The following IL17RC variants were observed in gnomAD, a reference collection of about 807,000 sequenced individuals.
IL17RC encodes the protein interleukin-17 receptor C.
In IL17RC, 53 loss-of-function variants were observed where a neutral mutation model predicts 86.7. The observed-to-expected ratio is 0.61, with a 90% CI of 0.49 to 0.77. The LOEUF (loss-of-function observed/expected upper bound fraction) is 0.77. Among genes scored for constraint, IL17RC ranks in the 30% least tolerant of loss-of-function variants. The probability of loss-of-function intolerance (pLI) is 0.00; values close to 1 mark genes in which losing one functional copy is unlikely to be tolerated. For missense variants in IL17RC, 957 were observed against 940.0 expected (o/e 1.02, Z -0.24); for synonymous variants, 439 against 413.1 (o/e 1.06, Z -0.76).
At chr3:9,919,799 T>C (rs960045149) in intron 5 of IL17RC, among the ~76,000 whole-genome samples, 1 of 152,152 alleles carries the variant, frequency 6.6e-6, no homozygotes, top group African/African-American at 2.4e-5. Context: ...GCATTATTAG[T>C]ATCCTCATTT....
At position 9,920,413 on chromosome 3, in the gene IL17RC, C is replaced by T. The variant is rs6791809; in HGVS notation, c.466-78C>T. 2.9e-3 allele frequency: 2,326 copies of T among 812,380 alleles called. 25 individuals carry two copies. The African/African-American group carries it at 0.034, about 12-fold the overall frequency. The allele number at this position is 812,380 out of a possible 1,614,324, so 50.3% of individuals were successfully genotyped here. ...GGAGGAGGGCAGTGAGCAGAGTGGT[C>T]CCTGCAGATGATCCCACAGCCCTTG... On this transcript the variant is annotated intron_variant, in intron 5 of 18. Transcript: ENST00000403601.
Position 9,930,009 on chromosome 3 carries a change from G to A in IL17RC, c.1157-19G>A. The A allele has an allele frequency of 6.2e-7, 1 of 1,613,824 alleles. No individual in the cohort carries two copies. On this transcript the variant is annotated intron_variant, in intron 13 of 18. Transcript: ENST00000403601. The surrounding 1 kb of genome is among the most constrained non-coding windows in gnomAD (Gnocchi z 5.8). ...AGCAAGGATGGGTCTTGGTCAGAGT[G>A]GCCTCTCACCCCTTCCAGACTCCCT... is the stretch of plus-strand genomic sequence containing the variant.
In IL17RC at chr3:9,923,918, C is replaced by T. The variant is rs769417200; in HGVS notation, c.660C>T (p.Asn220=). 9 of 1,614,168 alleles carry T rather than the reference C, an allele frequency of 5.6e-6. No homozygotes were observed. The highest frequency in any genetic ancestry group is 4.4e-5 in the South Asian group (4 of 91,080). The part of the protein sequence containing the change: ...PWLNVSADGD[N]VHLVLNVSEE... ...TCAACGTGTCAGCAGATGGTGACAA[C>T]GTGCATCTGGTTCTGAATGTCTCTG... The change falls in exon 8 of 19, where the codon AAC becomes AAT. Residue 220 remains asparagine, a synonymous_variant. Transcript: ENST00000403601.
Position 9,930,650 on chromosome 3 carries a change from A to G in IL17RC, c.1338+191A>G. ...CCCATAAACAGATAACCACACCTAC[A>G]GGTGCTAAGTTTTGGGTTCCAGGGA... On this transcript the variant is annotated intron_variant, in intron 15 of 18. Coordinates refer to ENST00000403601, the MANE Select transcript of IL17RC (RefSeq NM_153460.4). This position sits in a 1 kb window ranked among gnomAD's most constrained non-coding sequence, Gnocchi z 5.8. 1 of 683,826 alleles carries G rather than the reference A, an allele frequency of 1.5e-6. No homozygotes were observed. The highest frequency in any genetic ancestry group is 2.7e-5 in the East Asian group (1 of 36,822). The allele number at this position is 683,826 out of a possible 1,614,324, so 42.4% of individuals were successfully genotyped here. A position where few individuals can be genotyped will look rare whatever the true frequency, so the allele number is the denominator to read the frequency against.
At chr3:9,920,711 C>T in intron 6 of IL17RC, 109 bp downstream of exon 6, 1 of 828,928 alleles carries the variant, frequency 1.2e-6, no homozygotes, top group South Asian at 1.5e-5. Flanking sequence ...GGGGTCTGAG[C>T]TGCTATCCTC....
chr3:9,920,462 G>A lies in IL17RC; in HGVS notation c.466-29G>A, dbSNP rs113844533. On this transcript the variant is annotated intron_variant, in intron 5 of 18. Coordinates refer to ENST00000403601, the MANE Select transcript of IL17RC (RefSeq NM_153460.4). ...TGGCCTGGATTCTGAGCCCTGCACC[G>A]CCAGCCTTCCTCACCCCTCTCCTCA... is the stretch of plus-strand genomic sequence containing the variant. The A allele has an allele frequency of 1.3e-3, 1,875 of 1,445,928 alleles. 19 individuals carry two copies. The African/African-American group carries it at 0.022, about 17-fold the overall frequency. The allele number at this position is 1,445,928 out of a possible 1,614,324, so 89.6% of individuals were successfully genotyped here.
At chr3:9,928,735 T>TGGCA in intron 12 of IL17RC, 105 bp downstream of exon 12, 2 of 1,203,918 alleles carry the variant, frequency 1.7e-6, no homozygotes, top group Non-Finnish European at 1.2e-6. Flanking sequence ...GGTTGCCAGC[T>TGGCA]TCCTCTATGG....
rs943308104 is a variant in IL17RC, at chr3:9,917,319, C to T, written c.4C>T (p.Pro2Ser). 4 of 1,612,588 alleles carry T rather than the reference C, an allele frequency of 2.5e-6. No homozygotes were observed. The highest frequency in any genetic ancestry group is 2.7e-5 in the African/African-American group (2 of 74,784). Residue 2 changes from proline (P) to serine (S), a missense_variant, in exon 1 of 19, where the codon CCT becomes TCT. Transcript: ENST00000403601. ...GGTGCCACCTGGCACCTAGAAGATG[C>T]CTGTGCCCTGGTTCTTGCTGTCCTT... The part of the protein sequence containing the change: M[P>S]VPWFLLSLAL...
intron 16 of IL17RC, among the ~76,000 whole-genome samples, chr3:9,931,626 C>T (rs775893340): frequency 1.2e-4 from 18 of 151,710 alleles, no homozygotes; most frequent in Non-Finnish European, 2.5e-4. Context: ...CTACCTCAGC[C>T]TCCCGGGTAG....
At chr3:9,923,851 A>G in intron 7 of IL17RC, 30 bp from the exon 8 acceptor site, 1 of 1,612,056 alleles carries the variant, frequency 6.2e-7, no homozygotes, top group Non-Finnish European at 8.5e-7. Flanking sequence ...GAGGAAGTCT[A>G]AGCTGCGCTC....
chr3:9,927,962 A>G (rs541906234), intron 9 of IL17RC, among the ~76,000 whole-genome samples: 6 of 152,018 alleles, frequency 3.9e-5, no homozygotes, highest in East Asian at 3.9e-4. Flanking sequence ...AAAAAAAAAA[A>G]GTTTGTTAAT....
At chr3:9,925,729 C>T (rs2083998321) in intron 9 of IL17RC, among the ~76,000 whole-genome samples, 1 of 152,062 alleles carries the variant, frequency 6.6e-6, no homozygotes. Flanking sequence ...CAGGTGGTTC[C>T]CATTACCTCA....
At position 9,920,590 on chromosome 3, in the gene IL17RC, C is replaced by G. The variant is rs764990921; in HGVS notation, c.565C>G (p.Gln189Glu). 5.6e-6 allele frequency: 9 copies of G among 1,601,446 alleles called. No homozygotes were observed. The highest frequency in any genetic ancestry group is 6.8e-6 in the Non-Finnish European group (8 of 1,172,036). ...PRYEKELNHTQQLPDCRGLEV... is the reference protein window; with the variant it reads ...PRYEKELNHTEQLPDCRGLEV... ...GTACGAGAAGGAACTCAACCACACACAGCAGCTGCCTGGTAAGTGGACCCC... is the reference window on the plus strand; with the variant it reads ...GTACGAGAAGGAACTCAACCACACAGAGCAGCTGCCTGGTAAGTGGACCCC... Residue 189 changes from glutamine (Q) to glutamate (E), a missense_variant, in exon 6 of 19, where the codon CAG becomes GAG. Physicochemically the swap from Gln to Glu is conservative, Grantham distance 29 (BLOSUM62 2). Transcript: ENST00000403601.
chr3:9,918,173 C>T (rs918664907), intron 3 of IL17RC, 98 bp downstream of exon 3: 2 of 1,396,184 alleles, frequency 1.4e-6, no homozygotes, highest in African/African-American at 1.4e-5. Context: ...TAGGCATCCT[C>T]AGTGTTCTCC....
At chr3:9,925,191 C>T (rs1274742586) in intron 9 of IL17RC, among the ~76,000 whole-genome samples, 1 of 149,002 alleles carries the variant, frequency 6.7e-6, no homozygotes, top group African/African-American at 2.5e-5. Flanking sequence ...TCTCGGCTCA[C>T]TGCAAGCTGC....
At chr3:9,931,570 G>T (rs529380241) in intron 16 of IL17RC, among the ~76,000 whole-genome samples, 1 of 150,718 alleles carries the variant, frequency 6.6e-6, no homozygotes, top group Admixed American at 6.6e-5. Context: ...GCAATGGCGC[G>T]ATCTCGGCTA....
chr3:9,931,470 C>CACACACATATATATAT (rs750351615), intron 16 of IL17RC, among the ~76,000 whole-genome samples: 166 of 43,512 alleles, frequency 3.8e-3, no homozygotes, highest in Non-Finnish European at 8.6e-3. Context: ...CACACACACA[C>CACACACATATATATAT]ATATATATAT....
Position 9,930,965 on chromosome 3 carries a change from T to G in IL17RC, c.1387+22T>G. On this transcript the variant is annotated intron_variant, in intron 16 of 18. Coordinates refer to ENST00000403601, the MANE Select transcript of IL17RC (RefSeq NM_153460.4). The surrounding 1 kb of genome is among the most constrained non-coding windows in gnomAD (Gnocchi z 5.8). ...AAATGTGAGTATTGTAAGAACTGCC[T>G]TTCCTTTCTGTACCAGGAGTGGGGA... 3 of 1,607,144 alleles carry G rather than the reference T, an allele frequency of 1.9e-6. No individual in the cohort carries two copies. The highest frequency in any genetic ancestry group is 2.6e-6 in the Non-Finnish European group (3 of 1,173,590).
Position 9,921,083 on chromosome 3 carries a change from TATTC to T in IL17RC, c.622+138_622+141del, listed in dbSNP as rs34198416. The stretch of plus-strand genomic sequence containing the variant: ...CCACATCTCAGAAGCTCACAGAACA[TATTC>T]ATTCATTCATTCATTCATTCATTTG... On this transcript the variant is annotated intron_variant, in intron 7 of 18. Transcript: ENST00000403601. The T allele has an allele frequency of 0.49, 282,123 of 572,448 alleles. 74,786 individuals carry two copies. The highest frequency in any genetic ancestry group is 0.53 in the Non-Finnish European group (170,235 of 319,872). 35.5% of individuals were successfully genotyped at this position (572,448 alleles called of 1,614,324 possible).
Sources: gnomAD v4.1 joint callset for allele counts (sites outside exome capture counted in the v4.1 genomes callset) on GRCh38, gnomAD v4.1.1 for gene constraint, Gnocchi (gnomAD v3.1) non-coding constraint, MANE v1.5 for transcripts, NCBI Gene and HGNC (gene_info 2026-07-23, HGNC 2026-07-21) for gene names.